FCRL3: variants seen among roughly 807,000 people sequenced by gnomAD.
FCRL3 encodes Fc receptor like 3, also known as Fc receptor-like protein 3.
In FCRL3, 89 loss-of-function variants were observed where a neutral mutation model predicts 75.0. That is an observed-to-expected ratio of 1.19 (90% CI 1.00 to 1.42). FCRL3 has a LOEUF of 1.42. Among genes scored for constraint, FCRL3 ranks in the 40% most tolerant of loss-of-function variants. FCRL3 has a pLI of 0.00. For missense variants in FCRL3, 946 were observed against 880.0 expected, an observed-to-expected ratio of 1.07 and a Z score of -0.95; for synonymous variants, 376 against 348.5, an observed-to-expected ratio of 1.08 and a Z score of -0.88.
At position 157,697,925 on chromosome 1, in the gene FCRL3, A is replaced by C. The variant is rs1204091263; in HGVS notation, c.299-6T>G. The C allele has an allele frequency of 6.2e-7, 1 of 1,613,028 alleles. No homozygotes were observed. The highest frequency in any genetic ancestry group is 8.5e-7 in the Non-Finnish European group (1 of 1,179,790). On this transcript the variant is annotated splice_region_variant and splice_polypyrimidine_tract_variant and intron_variant, in intron 4 of 14. Transcript: ENST00000368184. ...AGCCTGCAGGATCAGCCAGTCTGCA[A>C]AGAGCACAGGAGCACACTCAGGTTA...
In FCRL3 at chr1:157,680,962, C is replaced by T. The variant is rs754622475; in HGVS notation, c.1957+19G>A. On this transcript the variant is annotated intron_variant, in intron 12 of 14. Transcript: ENST00000368184. The stretch of plus-strand genomic sequence containing the variant: ...CCTGGCTCCTCCCTAGAGCCTTCTG[C>T]CCCCTAGGGAGTCCTCACCATTGCT... 9 of 1,551,408 alleles carry T rather than the reference C, an allele frequency of 5.8e-6. No homozygotes were observed. In the African/African-American group the frequency reaches 6.9e-5, roughly 12 times the overall value.
intron 13 of FCRL3, chr1:157,679,231 A>C: frequency 1.8e-6 from 1 of 546,038 alleles, no homozygotes; most frequent in Non-Finnish European, 3.3e-6. Context: ...CACAAACACT[A>C]ATAAAGACTT....
intron 8 of FCRL3, 89 bp downstream of exon 8, chr1:157,695,240 T>A (rs1034442010): frequency 7.3e-7 from 1 of 1,374,582 alleles, no homozygotes; most frequent in Admixed American, 2.1e-5. Context: ...TATTGGGATA[T>A]CAACCAGCAA....
chr1:157,698,746 G>T, intron 3 of FCRL3, 117 bp from the exon 4 acceptor site: 2 of 1,059,578 alleles, frequency 1.9e-6, no homozygotes, highest in South Asian at 1.6e-5. Flanking sequence ...GTCAGGACCA[G>T]GGTGGAAAAT....
At chr1:157,700,629 T>C in intron 1 of FCRL3, 33 bp downstream of exon 1, 1 of 1,512,844 alleles carries the variant, frequency 6.6e-7, no homozygotes, top group Non-Finnish European at 8.9e-7. Flanking sequence ...TGTCATATTT[T>C]GCTTTGGGCT....
At chr1:157,688,644 C>CA (rs1655323169) in intron 10 of FCRL3, among the ~76,000 whole-genome samples, 1 of 146,422 alleles carries the variant, frequency 6.8e-6, no homozygotes, top group Non-Finnish European at 1.5e-5. Flanking sequence ...TCAGGCAGAA[C>CA]AAAATTGATA....
rs940118844 is a variant in FCRL3, at chr1:157,678,600, A to G, written c.*110T>C. 1.9e-6 allele frequency: 3 copies of G among 1,547,300 alleles called. No individual in the cohort carries two copies. The Admixed American group carries it at 5.6e-5, about 29-fold the overall frequency. Reference sequence around the variant, plus strand: ...TTTTGCTCAGCCTCACATACCCTGCAGCCCAGCCTCGTAGGAGGCAGAGTC... The same window carrying G: ...TTTTGCTCAGCCTCACATACCCTGCGGCCCAGCCTCGTAGGAGGCAGAGTC... On this transcript the variant is annotated 3_prime_UTR_variant, in exon 15 of 15. Transcript: ENST00000368184.
chr1:157,695,282 T>G, intron 8 of FCRL3, 47 bp downstream of exon 8: 908 of 1,555,102 alleles, frequency 5.8e-4, no homozygotes, highest in Non-Finnish European at 7.2e-4. Flanking sequence ...TGAGAAGACA[T>G]GATCTGTTGT....
chr1:157,682,814 C>A (rs1051396383), intron 11 of FCRL3, among the ~76,000 whole-genome samples: 11 of 152,156 alleles, frequency 7.2e-5, no homozygotes, highest in African/African-American at 2.7e-4. Context: ...TTTCCAATTT[C>A]ATTTCCTTCT....
chr1:157,685,275 T>C (rs1655107047), intron 10 of FCRL3, among the ~76,000 whole-genome samples: 1 of 151,894 alleles, frequency 6.6e-6, no homozygotes, highest in South Asian at 2.1e-4. Flanking sequence ...CTATAAGTAA[T>C]ATAATTTCAC....
At chr1:157,688,908 T>TA (rs955102262) in intron 10 of FCRL3, among the ~76,000 whole-genome samples, 6 of 151,936 alleles carry the variant, frequency 3.9e-5, no homozygotes, top group South Asian at 2.1e-4. Flanking sequence ...ATCAATAGAC[T>TA]AAAAAAAATC....
intron 11 of FCRL3, among the ~76,000 whole-genome samples, chr1:157,682,883 G>A (rs1654934726): frequency 6.6e-6 from 1 of 152,170 alleles, no homozygotes; most frequent in South Asian, 2.1e-4. Context: ...CCAAATGAGT[G>A]GAAGAATGAG....
At chr1:157,680,681 T>C in intron 13 of FCRL3, 21 bp downstream of exon 13, 1 of 1,609,364 alleles carries the variant, frequency 6.2e-7, no homozygotes, top group Non-Finnish European at 8.5e-7. Context: ...CTCACCTCTA[T>C]TTGCCTGAAA....
Position 157,689,786 on chromosome 1 carries a change from C to G in FCRL3, c.1810+12G>C, listed in dbSNP as rs761518201. On this transcript the variant is annotated intron_variant, in intron 10 of 14. Coordinates refer to ENST00000368184, the MANE Select transcript of FCRL3 (RefSeq NM_052939.4). The stretch of plus-strand genomic sequence containing the variant: ...GCAAAATCACATCACAAGGTAGGAC[C>G]TAGACACCCACCTGGTTTCCTTCGG... 6.2e-7 allele frequency: 1 copy of G among 1,614,090 alleles called. No individual in the cohort carries two copies. The highest frequency in any genetic ancestry group is 1.1e-5 in the South Asian group (1 of 91,074).
chr1:157,688,284 A>G (rs540473970), intron 10 of FCRL3, among the ~76,000 whole-genome samples: 4 of 152,274 alleles, frequency 2.6e-5, no homozygotes, highest in African/African-American at 7.2e-5. Context: ...TTATATTAAC[A>G]TATTAATATT....
In FCRL3 at chr1:157,690,540, G is replaced by A. The variant is rs1338908058; in HGVS notation, c.1412-7C>T. On this transcript the variant is annotated splice_polypyrimidine_tract_variant and splice_region_variant and intron_variant, in intron 8 of 14. Coordinates refer to ENST00000368184, the MANE Select transcript of FCRL3 (RefSeq NM_052939.4). ...ACGGGGCGAGACACCGGAACTGAGG[G>A]AGGAAAAATAGTTCACTGGCAGTTT... is the stretch of plus-strand genomic sequence containing the variant. 6 of 1,612,228 alleles carry A rather than the reference G, an allele frequency of 3.7e-6. No individual in the cohort carries two copies. The highest frequency in any genetic ancestry group is 1.7e-5 in the Admixed American group (1 of 59,558).
chr1:157,690,086 TG>T (rs529311950), intron 9 of FCRL3, among the ~76,000 whole-genome samples, 168 bp downstream of exon 9: 13 of 152,246 alleles, frequency 8.5e-5, no homozygotes, highest in Non-Finnish European at 1.8e-4. Flanking sequence ...AAGATTAAAA[TG>T]TATTTCCTTT....
intron 11 of FCRL3, among the ~76,000 whole-genome samples, chr1:157,681,963 T>C (rs1287152480): frequency 1.3e-5 from 2 of 151,902 alleles, no homozygotes; most frequent in Non-Finnish European, 2.9e-5. Flanking sequence ...TATCTCATTG[T>C]GGTTTTGATT....
intron 10 of FCRL3, among the ~76,000 whole-genome samples, chr1:157,684,953 A>G (rs1262472824): frequency 6.6e-6 from 1 of 152,152 alleles, no homozygotes; most frequent in Non-Finnish European, 1.5e-5. Context: ...AGGAGGTACA[A>G]TAAGCAAGAT....
Sources: allele counts gnomAD v4.1 joint callset (sites outside exome capture counted in the v4.1 genomes callset), GRCh38; gene constraint gnomAD v4.1.1; transcripts MANE v1.5; gene names NCBI Gene and HGNC (gene_info 2026-07-23, HGNC 2026-07-21).